Variants in MBNL2 observed in about 807,000 individuals in gnomAD.
The protein encoded by MBNL2 is muscleblind-like protein 2.
In MBNL2, 17 loss-of-function variants were observed where a neutral mutation model predicts 41.9. The observed-to-expected ratio is 0.41, with a 90% CI of 0.28 to 0.61. The LOEUF (loss-of-function observed/expected upper bound fraction) is 0.61, where lower values mean the gene tolerates loss of function less well. Among genes scored for constraint, MBNL2 ranks in the 20% least tolerant of loss-of-function variants. The pLI, the probability that MBNL2 is intolerant of heterozygous loss-of-function variation, is 0.35. For missense variants in MBNL2, 336 were observed against 505.6 expected (o/e 0.66, Z 3.22); for synonymous variants, 195 against 182.9 (o/e 1.07, Z -0.53).
intron 2 of MBNL2, among the ~76,000 whole-genome samples, chr13:97,307,946 ATGC>A (rs2058271112): frequency 2.6e-5 from 4 of 152,250 alleles, no homozygotes; most frequent in South Asian, 2.1e-4. Flanking sequence ...AATGATGAGA[ATGC>A]TGTTCACAGA....
chr13:97,272,604 T>C (rs1026132525), intron 1 of MBNL2, among the ~76,000 whole-genome samples: 2 of 152,202 alleles, frequency 1.3e-5, no homozygotes, highest in Non-Finnish European at 2.9e-5. Context: ...TTAATCCATC[T>C]TGAGTTAATT....
the MBNL2 span, among the ~76,000 whole-genome samples, chr13:97,150,774 G>A: frequency 3.4e-4 from 52 of 152,224 alleles, no homozygotes; most frequent in South Asian, 6.2e-4. Context: ...TTAGCTTCCC[G>A]AGTATTTGGG....
At chr13:97,385,949 T>C (rs994742322) in intron 8 of MBNL2, among the ~76,000 whole-genome samples, 1 of 152,240 alleles carries the variant, frequency 6.6e-6, no homozygotes, top group Non-Finnish European at 1.5e-5. Context: ...AGCTCTTTTT[T>C]GAGCGCACAT....
chr13:97,369,192 G>C (rs1237227700), intron 8 of MBNL2, among the ~76,000 whole-genome samples: 1 of 152,186 alleles, frequency 6.6e-6, no homozygotes, highest in Non-Finnish European at 1.5e-5. Context: ...AGGAAACCCA[G>C]GGCTTGGTAA....
intron 2 of MBNL2, among the ~76,000 whole-genome samples, chr13:97,292,229 G>C (rs1436180148): frequency 6.8e-6 from 1 of 147,548 alleles, no homozygotes; most frequent in Non-Finnish European, 1.5e-5. Flanking sequence ...AAAAGTGATT[G>C]CTCGAAGAGG....
the MBNL2 span, among the ~76,000 whole-genome samples, chr13:97,188,440 T>C: frequency 9.9e-5 from 15 of 152,184 alleles, no homozygotes; most frequent in African/African-American, 3.6e-4. Flanking sequence ...GGCTCTCCTT[T>C]TCCCCTGCAT....
upstream of MBNL2, among the ~76,000 whole-genome samples, chr13:97,218,440 C>CAAAACAAAACA (rs55815508): frequency 0.019 from 2,209 of 117,942 alleles, 31 homozygotes; most frequent in African/African-American, 0.032. Context: ...CAAAACAAAA[C>CAAAACAAAACA]AAAAAAAAAA....
chr13:97,247,755 C>G (rs577679981), intron 1 of MBNL2, among the ~76,000 whole-genome samples: 1 of 152,168 alleles, frequency 6.6e-6, no homozygotes, highest in South Asian at 2.1e-4. Context: ...CTAGTTCATT[C>G]ATCATTTTAC....
intron 2 of MBNL2, among the ~76,000 whole-genome samples, chr13:97,315,734 G>T (rs531576187): frequency 2.6e-5 from 4 of 152,268 alleles, no homozygotes; most frequent in African/African-American, 9.6e-5. Context: ...TGAAAAGAAA[G>T]CAGGGCTTGG....
intron 1 of MBNL2, among the ~76,000 whole-genome samples, chr13:97,232,132 G>C (rs1156468906): frequency 6.6e-6 from 1 of 152,194 alleles, no homozygotes; most frequent in Non-Finnish European, 1.5e-5. Context: ...TAACGAAGTA[G>C]CTTAAGTGAA....
chr13:97,380,268 C>T (rs1055905155), intron 8 of MBNL2, among the ~76,000 whole-genome samples: 2 of 152,150 alleles, frequency 1.3e-5, no homozygotes, highest in Non-Finnish European at 2.9e-5. Context: ...CTGAGGTGGG[C>T]GGATCACATG....
chr13:97,148,568 TG>T, the MBNL2 span, among the ~76,000 whole-genome samples: 1 of 151,780 alleles, frequency 6.6e-6, no homozygotes, highest in African/African-American at 2.4e-5. Context: ...GGGCAGAGAG[TG>T]TATGGGAAAT....
At chr13:97,235,507 C>T (rs1328070074) in intron 1 of MBNL2, among the ~76,000 whole-genome samples, 2 of 152,148 alleles carry the variant, frequency 1.3e-5, no homozygotes, top group African/African-American at 2.4e-5. Context: ...TTGTAGATAC[C>T]GGAATTCTTG....
intron 8 of MBNL2, among the ~76,000 whole-genome samples, chr13:97,383,210 G>C (rs1194096861): frequency 6.6e-6 from 1 of 152,178 alleles, no homozygotes; most frequent in African/African-American, 2.4e-5. Flanking sequence ...AGCTAGGATT[G>C]AAGGAGACTG....
chr13:97,381,003 C>CTCTT (rs2065399570), intron 8 of MBNL2, among the ~76,000 whole-genome samples: 3 of 152,116 alleles, frequency 2.0e-5, no homozygotes, highest in East Asian at 1.9e-4. Flanking sequence ...CCCTCCAGTA[C>CTCTT]TCTTTTTGAT....
rs749085146 is a variant in MBNL2, at chr13:97,343,119, T to C, written c.443T>C (p.Ile148Thr). ...GGAGTTGGGTTGGTCCCAACGGAAA[T>C]TCTGCCCACCACGCCTGTTATTGTT... ...TPGVGLVPTE[I>T]LPTTPVIVPG... The change falls in exon 4 of 9, where the codon ATT (isoleucine) becomes ACT (threonine). Residue 148 changes from isoleucine to threonine, a missense_variant. Transcript: ENST00000679496. The C allele has an allele frequency of 6.2e-7, 1 of 1,614,124 alleles. No individual in the cohort carries two copies. The highest frequency in any genetic ancestry group is 1.7e-5 in the Admixed American group (1 of 60,024).
At position 97,236,513 on chromosome 13, in the gene MBNL2, C is replaced by CT. The variant is rs202101299; in HGVS notation, c.-605+13996dup. On this transcript the variant is annotated intron_variant, in intron 1 of 8. Coordinates refer to ENST00000679496, the MANE Select transcript of MBNL2 (RefSeq NM_001382683.1). The stretch of plus-strand genomic sequence containing the variant: ...GTGGGCTGGATACAGGATATGTGGT[C>CT]TTTTTTTTTTTTTTGTCTTTAATAA... 9.0e-3 allele frequency among the ~76,000 whole-genome samples: 1,239 copies of CT among 137,966 alleles called. 8 individuals are homozygous for CT. Among genetic ancestry groups the CT allele is most frequent in the East Asian group, 0.026 (124 of 4,794 alleles). The allele number at this position is 137,966 out of a possible 152,430, so 90.5% of individuals were successfully genotyped here. A position where few individuals can be genotyped will look rare whatever the true frequency, so the allele number is the denominator to read the frequency against.
chr13:97,330,541 T>C (rs1411343967), intron 2 of MBNL2, among the ~76,000 whole-genome samples: 1 of 152,194 alleles, frequency 6.6e-6, no homozygotes, highest in East Asian at 1.9e-4. Flanking sequence ...ACAAGGAAGA[T>C]TTTTCCCAGA....
At chr13:97,247,446 G>C (rs1325686139) in intron 1 of MBNL2, among the ~76,000 whole-genome samples, 3 of 152,194 alleles carry the variant, frequency 2.0e-5, no homozygotes, top group African/African-American at 7.2e-5. Context: ...GAGATATGCT[G>C]TAAGTTCTAG....
Sources: allele counts gnomAD v4.1 joint callset (sites outside exome capture counted in the v4.1 genomes callset), GRCh38; gene constraint gnomAD v4.1.1; transcripts MANE v1.5; gene names NCBI Gene and HGNC (gene_info 2026-07-23, HGNC 2026-07-21).